Variants in DKK2 observed in about 807,000 individuals in gnomAD.
DKK2 encodes dickkopf Wnt signaling pathway inhibitor 2.
Under a neutral mutation model 28.1 loss-of-function variants are expected in DKK2, and 11 were observed. The observed-to-expected ratio is 0.39, with a 90% CI of 0.25 to 0.65. The LOEUF is 0.65. Among genes scored for constraint, DKK2 ranks in the 30% least tolerant of loss-of-function variants. The pLI is 0.47. For missense variants in DKK2, 326 were observed against 335.5 expected, an observed-to-expected ratio of 0.97 and a Z score of 0.22; for synonymous variants, 135 against 126.5, an observed-to-expected ratio of 1.07 and a Z score of -0.45.
intron 1 of DKK2, among the ~76,000 whole-genome samples, chr4:106,991,255 G>A (rs1232867198): frequency 6.6e-6 from 1 of 152,052 alleles, no homozygotes; most frequent in East Asian, 1.9e-4. Flanking sequence ...GCCCAGGTTT[G>A]TACACCTACA....
chr4:107,016,959 A>G (rs1472269834), intron 1 of DKK2, among the ~76,000 whole-genome samples: 1 of 151,942 alleles, frequency 6.6e-6, no homozygotes, highest in African/African-American at 2.4e-5. Flanking sequence ...TAAATATGAG[A>G]GTCATTGGCA....
At chr4:107,021,566 CTT>C (rs1174934604) in intron 1 of DKK2, among the ~76,000 whole-genome samples, 1 of 152,010 alleles carries the variant, frequency 6.6e-6, no homozygotes, top group African/African-American at 2.4e-5. Flanking sequence ...TTCTTGTCCA[CTT>C]TACTGACATC....
intron 1 of DKK2, among the ~76,000 whole-genome samples, chr4:106,996,653 A>T (rs1723276039): frequency 6.6e-6 from 1 of 152,164 alleles, no homozygotes; most frequent in Non-Finnish European, 1.5e-5. Context: ...CTAGTCTACA[A>T]ACTAGCAGGA....
rs940371123 is a variant in DKK2, at chr4:106,960,790, T to C, written c.223-34841A>G. On this transcript the variant is annotated intron_variant, in intron 1 of 3. Coordinates refer to ENST00000285311, the MANE Select transcript of DKK2 (RefSeq NM_014421.3). The stretch of plus-strand genomic sequence containing the variant: ...GAGAGAATGTTTATAATTGATTAAC[T>C]AAATTCTCTTTTTCTACCAAGCCAG... Among the ~76,000 whole-genome samples the C allele has an allele frequency of 5.9e-5, 9 of 152,276 alleles. 1 individual carries two copies. The highest frequency in any genetic ancestry group is 5.9e-4 in the Admixed American group (9 of 15,296).
intron 1 of DKK2, among the ~76,000 whole-genome samples, chr4:106,981,135 G>C (rs1246407812): frequency 1.3e-5 from 2 of 151,970 alleles, no homozygotes; most frequent in Non-Finnish European, 2.9e-5. Context: ...TAAATCATTA[G>C]AGGTCAACCT....
intron 1 of DKK2, among the ~76,000 whole-genome samples, chr4:106,967,146 C>A (rs1722794690): frequency 6.6e-6 from 1 of 152,076 alleles, no homozygotes; most frequent in Non-Finnish European, 1.5e-5. Flanking sequence ...GGCCAGGCAC[C>A]ATGTCAGGCA....
At chr4:106,963,870 ACT>A (rs1477030976) in intron 1 of DKK2, among the ~76,000 whole-genome samples, 1 of 152,058 alleles carries the variant, frequency 6.6e-6, no homozygotes, top group Non-Finnish European at 1.5e-5. Flanking sequence ...ATTTCTTCTA[ACT>A]CTATTTTTCA....
chr4:107,035,112 G>C (rs891967005), intron 1 of DKK2, among the ~76,000 whole-genome samples: 8 of 152,136 alleles, frequency 5.3e-5, no homozygotes, highest in Non-Finnish European at 1.5e-5. Context: ...GAAAGCACTA[G>C]ATCTTGATAT....
chr4:106,971,668 C>A (rs1722869997), intron 1 of DKK2, among the ~76,000 whole-genome samples: 1 of 152,056 alleles, frequency 6.6e-6, no homozygotes, highest in South Asian at 2.1e-4. Flanking sequence ...TTCTTTGATC[C>A]ATTCTTTGCA....
Position 106,923,892 on chromosome 4 carries a change from T to C in DKK2, c.*62A>G. The C allele has an allele frequency of 6.3e-7, 1 of 1,589,314 alleles. No homozygotes were observed. The highest frequency in any genetic ancestry group is 1.8e-4 in the Middle Eastern group (1 of 5,646). Reference sequence around the variant, plus strand: ...TGCATCTGAACCTTATTTTCCACCATGCTATAATGCATTAAATACACAACT... The same window carrying C: ...TGCATCTGAACCTTATTTTCCACCACGCTATAATGCATTAAATACACAACT... On this transcript the variant is annotated 3_prime_UTR_variant, in exon 4 of 4. Coordinates refer to ENST00000285311, the MANE Select transcript of DKK2 (RefSeq NM_014421.3).
At chr4:106,930,204 T>C (rs992380859) in intron 1 of DKK2, among the ~76,000 whole-genome samples, 5 of 152,152 alleles carry the variant, frequency 3.3e-5, no homozygotes, top group Admixed American at 6.6e-5. Flanking sequence ...CAAAAGTCCA[T>C]AATGAAAATA....
intron 1 of DKK2, among the ~76,000 whole-genome samples, chr4:106,963,566 C>T (rs569771873): frequency 2.6e-5 from 4 of 152,044 alleles, no homozygotes; most frequent in Non-Finnish European, 5.9e-5. Context: ...AGAGAGGAAC[C>T]CTCATACACT....
At chr4:106,983,891 A>G (rs1004295500) in intron 1 of DKK2, among the ~76,000 whole-genome samples, 1 of 152,222 alleles carries the variant, frequency 6.6e-6, no homozygotes, top group African/African-American at 2.4e-5. Flanking sequence ...GGAAATGCAA[A>G]TTAAAACCAC....
At chr4:106,939,023 C>T (rs1439405110) in intron 1 of DKK2, among the ~76,000 whole-genome samples, 1 of 152,026 alleles carries the variant, frequency 6.6e-6, no homozygotes, top group Non-Finnish European at 1.5e-5. Flanking sequence ...TGGGCAAAAA[C>T]TGGAAGCATT....
chr4:107,002,191 T>C (rs1194748108), intron 1 of DKK2, among the ~76,000 whole-genome samples: 1 of 152,268 alleles, frequency 6.6e-6, no homozygotes, highest in African/African-American at 2.4e-5. Context: ...TACATCGTTC[T>C]GAACTAACTG....
chr4:106,974,756 T>G (rs1722917683), intron 1 of DKK2, among the ~76,000 whole-genome samples: 2 of 152,222 alleles, frequency 1.3e-5, no homozygotes, highest in Non-Finnish European at 2.9e-5. Flanking sequence ...CTGATTGCCC[T>G]GGCCTGAACT....
At chr4:107,002,103 C>T (rs1213670964) in intron 1 of DKK2, among the ~76,000 whole-genome samples, 1 of 152,190 alleles carries the variant, frequency 6.6e-6, no homozygotes, top group Non-Finnish European at 1.5e-5. Flanking sequence ...TATATAATGA[C>T]TTTTCCATCT....
chr4:106,986,855 C>T (rs1723127720), intron 1 of DKK2, among the ~76,000 whole-genome samples: 1 of 152,130 alleles, frequency 6.6e-6, no homozygotes, highest in African/African-American at 2.4e-5. Context: ...GCTAGCTCTC[C>T]CCCTATTGTT....
chr4:107,024,690 G>A (rs1723745960), intron 1 of DKK2, among the ~76,000 whole-genome samples: 1 of 152,078 alleles, frequency 6.6e-6, no homozygotes, highest in Non-Finnish European at 1.5e-5. Context: ...AGTGTTTTAT[G>A]CTTTGCAAAG....
Sources: gnomAD v4.1 joint callset for allele counts (sites outside exome capture counted in the v4.1 genomes callset) on GRCh38, gnomAD v4.1.1 for gene constraint, MANE v1.5 for transcripts, NCBI Gene and HGNC (gene_info 2026-07-23, HGNC 2026-07-21) for gene names.